The following NCKAP5L variants were observed in gnomAD, a reference collection of about 807,000 sequenced individuals.
The protein encoded by NCKAP5L is NCK associated protein 5 like.
A neutral mutation model predicts 103.2 loss-of-function variants in NCKAP5L; 54 were observed. The ratio of observed to expected loss-of-function variants is 0.52; its 90% CI spans 0.42 to 0.66. The LOEUF (loss-of-function observed/expected upper bound fraction) is 0.66, where lower values mean the gene tolerates loss of function less well. NCKAP5L is among the 30% of genes least tolerant of loss of function. NCKAP5L has a pLI of 0.00. For synonymous variants in NCKAP5L, 762 were observed against 748.6 expected (o/e 1.02, Z -0.29); for missense variants, 1,733 against 1,750.6 (o/e 0.99, Z 0.18).
intron 1 of NCKAP5L, among the ~76,000 whole-genome samples, chr12:49,823,001 G>A (rs1946377458): frequency 6.6e-6 from 1 of 151,754 alleles, no homozygotes; most frequent in Admixed American, 6.5e-5. Context: ...AGCAGGTGAG[G>A]TGGCCGGTCA....
In NCKAP5L at chr12:49,791,791, C is replaced by A; in HGVS notation, c.*48G>T. On this transcript the variant is annotated 3_prime_UTR_variant, in exon 13 of 13. Transcript: ENST00000335999. ...GGGCTGGGCATGAAGAGAGCCGGTC[C>A]AGTCTGTGGTCCCCAGCTCCAGCGG... 1 of 1,463,732 alleles carries A rather than the reference C, an allele frequency of 6.8e-7. No homozygotes were observed. The highest frequency in any genetic ancestry group is 1.4e-5 in the South Asian group (1 of 73,776). 90.7% of individuals were successfully genotyped at this position (1,463,732 alleles called of 1,614,324 possible).
At chr12:49,810,871 G>A (rs1464161394) in intron 1 of NCKAP5L, among the ~76,000 whole-genome samples, 1 of 152,034 alleles carries the variant, frequency 6.6e-6, no homozygotes, top group East Asian at 1.9e-4. Context: ...AAAGCTCTTC[G>A]GGGTCCTCAA....
intron 1 of NCKAP5L, among the ~76,000 whole-genome samples, 195 bp downstream of exon 1, chr12:49,828,127 C>T (rs1265249151): frequency 6.6e-6 from 1 of 151,118 alleles, no homozygotes; most frequent in African/African-American, 2.4e-5. Flanking sequence ...GCAGCCGGAC[C>T]CCCGAGGAGG....
chr12:49,797,201 C>T lies in NCKAP5L; in HGVS notation c.659G>A (p.Gly220Asp), dbSNP rs768980429. The T allele has an allele frequency of 1.2e-6, 2 of 1,612,946 alleles. No individual in the cohort carries two copies. The highest frequency in any genetic ancestry group is 2.2e-5 in the South Asian group (2 of 91,014). Residue 220 changes from glycine (G) to aspartate (D), a missense_variant, in exon 8 of 13, where the codon GGC becomes GAC. Coordinates refer to ENST00000335999, the MANE Select transcript of NCKAP5L (RefSeq NM_001037806.4). The surrounding 1 kb of genome is among the most constrained non-coding windows in gnomAD (Gnocchi z 4.5). ...TPWRPPGQGP[G>D]SPEPINGELC... ...CTCGCCGTTGATGGGCTCTGGGGAG[C>T]CAGGCCCCTGGCCTGGAGGCCGCCA...
At chr12:49,823,663 A>G (rs1423938311) in intron 1 of NCKAP5L, among the ~76,000 whole-genome samples, 1 of 151,298 alleles carries the variant, frequency 6.6e-6, no homozygotes, top group Admixed American at 6.6e-5. Context: ...AAAAAAGCAT[A>G]GTGGATATTG....
chr12:49,810,991 T>A (rs562953713), intron 1 of NCKAP5L, among the ~76,000 whole-genome samples: 1 of 152,124 alleles, frequency 6.6e-6, no homozygotes, highest in South Asian at 2.1e-4. Flanking sequence ...GTCTGTACTA[T>A]CCAACATGGA....
rs1234015930 is a variant in NCKAP5L, at chr12:49,794,938, C to T, written c.2922G>A (p.Lys974=). ...CCAGTGCCCGACGCAGGTCTTCCGCCTTGGCCATCAGCTTGGAGATGTTGA... is the reference window on the plus strand; with the variant it reads ...CCAGTGCCCGACGCAGGTCTTCCGCTTTGGCCATCAGCTTGGAGATGTTGA... ...ESLNISKLMA[K]AEDLRRALEE... Residue 974 remains lysine, a synonymous_variant, in exon 8 of 13, where the codon AAG becomes AAA. Coordinates refer to ENST00000335999, the MANE Select transcript of NCKAP5L (RefSeq NM_001037806.4). The T allele has an allele frequency of 6.4e-7, 1 of 1,573,834 alleles. No homozygotes were observed.
At chr12:49,811,777 C>T (rs891739905) in intron 1 of NCKAP5L, among the ~76,000 whole-genome samples, 1 of 152,018 alleles carries the variant, frequency 6.6e-6, no homozygotes, top group Non-Finnish European at 1.5e-5. Context: ...TTTTTATTCT[C>T]TTAAACAAAC....
intron 1 of NCKAP5L, among the ~76,000 whole-genome samples, chr12:49,823,758 T>A (rs1280887465): frequency 6.6e-6 from 1 of 151,622 alleles, no homozygotes; most frequent in Non-Finnish European, 1.5e-5. Context: ...TGGTGCTGGG[T>A]TTTAGAAATC....
intron 1 of NCKAP5L, among the ~76,000 whole-genome samples, chr12:49,818,387 G>C (rs1946323646): frequency 6.7e-6 from 1 of 148,346 alleles, no homozygotes; most frequent in African/African-American, 2.5e-5. Flanking sequence ...CATTCACTCA[G>C]GCTGGAGTGC....
intron 1 of NCKAP5L, among the ~76,000 whole-genome samples, chr12:49,815,228 A>AT (rs1481986821): frequency 4.6e-5 from 7 of 152,122 alleles, no homozygotes; most frequent in African/African-American, 7.2e-5. Context: ...TCACCCAGCA[A>AT]TTTTTTTACC....
intron 9 of NCKAP5L, 45 bp from the exon 10 acceptor site, chr12:49,793,478 C>T (rs1402982427): frequency 6.3e-7 from 1 of 1,577,270 alleles, no homozygotes; most frequent in Non-Finnish European, 8.7e-7. Context: ...CTCCCCCCTC[C>T]ACACCCCTCC....
intron 2 of NCKAP5L, chr12:49,804,554 G>C (rs557266253): frequency 6.6e-6 from 1 of 152,272 alleles, no homozygotes; most frequent in African/African-American, 2.4e-5. Context: ...ATTTTGTCCT[G>C]GGCATCGGTG....
intron 6 of NCKAP5L, 79 bp from the exon 7 acceptor site, chr12:49,798,542 C>A: frequency 1.7e-6 from 2 of 1,197,792 alleles, no homozygotes; most frequent in Admixed American, 2.1e-5. Flanking sequence ...AGGCCTTCCC[C>A]TCTGAGTCCG....
At chr12:49,793,631 C>G in intron 9 of NCKAP5L, 103 bp downstream of exon 9, 21 of 1,387,214 alleles carry the variant, frequency 1.5e-5, no homozygotes, top group Non-Finnish European at 1.8e-5. Flanking sequence ...GTGAGTGCAT[C>G]CGGCACTCAT....
At position 49,796,957 on chromosome 12, in the gene NCKAP5L, AGAG is replaced by A. The variant is rs776578501; in HGVS notation, c.900_902del (p.Ser302del). The A allele has an allele frequency of 4.4e-6, 7 of 1,604,268 alleles. No individual in the cohort carries two copies. The African/African-American group carries it at 5.3e-5, about 12-fold the overall frequency. On this transcript the variant is annotated inframe_deletion, in exon 8 of 13. Transcript: ENST00000335999. ...CATTGGGGTCACCTGCCTCATCAGAAGAGGAGGAGGAGCTGCTGCCTGGGGCAC... is the reference window on the plus strand; with the variant it reads ...CATTGGGGTCACCTGCCTCATCAGAAGAGGAGGAGCTGCTGCCTGGGGCAC...
rs1217526029 is a variant in NCKAP5L, at chr12:49,795,439, G to A, written c.2421C>T (p.Pro807=). 1.3e-6 allele frequency: 2 copies of A among 1,579,738 alleles called. No individual in the cohort carries two copies. Among genetic ancestry groups the A allele is most frequent in the African/African-American group, 2.7e-5 (2 of 73,590 alleles). Reference sequence around the variant, plus strand: ...TGGGGCTGCTGTGAGGGCTCTTATTGGGCTTGCCCAGGCTTGGGGCTGAGG... The same window carrying A: ...TGGGGCTGCTGTGAGGGCTCTTATTAGGCTTGCCCAGGCTTGGGGCTGAGG... The part of the protein sequence containing the change: ...VPTSAPSLGK[P]NKSPHSSPTK... The change falls in exon 8 of 13, where the codon CCC becomes CCT. Residue 807 remains proline (P), a synonymous_variant. Transcript: ENST00000335999.
chr12:49,799,524 C>T (rs1946096213), intron 6 of NCKAP5L, among the ~76,000 whole-genome samples: 1 of 151,976 alleles, frequency 6.6e-6, no homozygotes, highest in African/African-American at 2.4e-5. Flanking sequence ...GCTATGTTGC[C>T]TAGGCTGGTC....
At position 49,798,352 on chromosome 12, in the gene NCKAP5L, C is replaced by G; in HGVS notation, c.463G>C (p.Glu155Gln). 6.4e-7 allele frequency: 1 copy of G among 1,557,048 alleles called. No individual in the cohort carries two copies. Among genetic ancestry groups the G allele is most frequent in the South Asian group, 1.2e-5 (1 of 84,416 alleles). The change falls in exon 7 of 13, where the codon GAG (glutamate) becomes CAG (glutamine). Residue 155 changes from glutamate (E) to glutamine (Q), a missense_variant and splice_region_variant. Coordinates refer to ENST00000335999, the MANE Select transcript of NCKAP5L (RefSeq NM_001037806.4). ...LPLGHCAGQR[E>Q]VCWEQQLRPG... is the part of the protein sequence containing the mutation. ...ACCACAATACCTAGCCCTCCTACCT[C>G]TCTCTGCCCAGCACAGTGCCCCAGA...
Sources: allele counts gnomAD v4.1 joint callset (sites outside exome capture counted in the v4.1 genomes callset), GRCh38; gene constraint gnomAD v4.1.1; non-coding constraint Gnocchi (gnomAD v3.1); transcripts MANE v1.5; gene names NCBI Gene and HGNC (gene_info 2026-07-23, HGNC 2026-07-21).